DYNC1H1: variants seen among roughly 807,000 people sequenced by gnomAD.
The protein encoded by DYNC1H1 is dynein cytoplasmic 1 heavy chain 1, also known as cytoplasmic dynein 1 heavy chain 1.
Under a neutral mutation model 527.1 loss-of-function variants are expected in DYNC1H1, and 51 were observed. The ratio of observed to expected loss-of-function variants is 0.10; its 90% confidence interval spans 0.08 to 0.12. DYNC1H1 has a LOEUF of 0.12. Ranked by LOEUF, DYNC1H1 falls within the 10% of genes least tolerant of loss-of-function variation. DYNC1H1 has a pLI of 1.00. For synonymous variants in DYNC1H1, 2,189 were observed against 2,278.8 expected (o/e 0.96, Z 1.12); for missense variants, 2,771 against 5,971.8 (o/e 0.46, Z 17.66).
chr14:102,048,150 T>A, intron 73 of DYNC1H1, 122 bp downstream of exon 73: 1 of 1,293,772 alleles, frequency 7.7e-7, no homozygotes, highest in Non-Finnish European at 1.1e-6. Context: ...CACACCGGTG[T>A]CACCTCAGAG....
chr14:102,011,209 G>A lies in DYNC1H1; in HGVS notation c.6618+257G>A. On this transcript the variant is annotated intron_variant, in intron 32 of 77. Transcript: ENST00000360184. The surrounding 1 kb of genome is among the most constrained non-coding windows in gnomAD (Gnocchi z 5.3). ...AAATGCTAAGTGCATGACTATATTGGAAAGTTGTTTATACTGATAAAAATT... is the reference window on the plus strand; with the variant it reads ...AAATGCTAAGTGCATGACTATATTGAAAAGTTGTTTATACTGATAAAAATT... The A allele has an allele frequency of 5.7e-6, 3 of 521,802 alleles. No individual in the cohort carries two copies. In the South Asian group the frequency reaches 6.0e-5, roughly 11 times the overall value. The allele number at this position is 521,802 out of a possible 1,614,324, so 32.3% of individuals were successfully genotyped here.
In DYNC1H1 at chr14:102,041,360, C is replaced by G; in HGVS notation, c.11942-214C>G. 2 of 702,576 alleles carry G rather than the reference C, an allele frequency of 2.8e-6. No homozygotes were observed. Among genetic ancestry groups the G allele is most frequent in the Non-Finnish European group, 4.9e-6 (2 of 409,006 alleles). 43.5% of individuals were successfully genotyped at this position (702,576 alleles called of 1,614,324 possible). A position where few individuals can be genotyped will look rare whatever the true frequency, so the allele number is the denominator to read the frequency against. The stretch of plus-strand genomic sequence containing the variant: ...AAAATCAGCAAATGGCACCTTTGTC[C>G]TATGGATACATCCAGGTAGTAAGGT... On this transcript the variant is annotated intron_variant, in intron 64 of 77. Coordinates refer to ENST00000360184, the MANE Select transcript of DYNC1H1 (RefSeq NM_001376.5). This position sits in a 1 kb window ranked among gnomAD's most constrained non-coding sequence, Gnocchi z 4.5.
chr14:101,987,743 G>T, intron 9 of DYNC1H1, 111 bp downstream of exon 9: 4 of 1,259,608 alleles, frequency 3.2e-6, no homozygotes, highest in Non-Finnish European at 4.5e-6. Context: ...ATCTGTGATA[G>T]TTCAATTCCC....
chr14:102,026,419 C>T (rs2048451800), intron 43 of DYNC1H1, among the ~76,000 whole-genome samples, 155 bp from the exon 44 acceptor site: 1 of 152,062 alleles, frequency 6.6e-6, no homozygotes, highest in Admixed American at 6.5e-5. Context: ...TAGATCCATT[C>T]CTAGTGAATT....
chr14:101,985,873 A>T lies in DYNC1H1; in HGVS notation c.1648A>T (p.Met550Leu). The T allele has an allele frequency of 6.2e-7, 1 of 1,614,218 alleles. No homozygotes were observed. Residue 550 changes from methionine to leucine, a missense_variant, in exon 8 of 78, where the codon ATG becomes TTG. Transcript: ENST00000360184. The surrounding 1 kb of genome is among the most constrained non-coding windows in gnomAD (Gnocchi z 5.9). The part of the protein sequence containing the change: ...KEGTEAWEAA[M>L]KRYDERIDRV... Reference sequence around the variant, plus strand: ...GGGCACGGAAGCCTGGGAGGCTGCTATGAAGAGGTACGATGAGAGGATCGA... The same window carrying T: ...GGGCACGGAAGCCTGGGAGGCTGCTTTGAAGAGGTACGATGAGAGGATCGA...
rs369653555 is a variant in DYNC1H1, at chr14:102,018,621, G to A, written c.8343+5G>A. ...GAGTTCTACACCATGTCTCAGGTAC[G>A]CAGAGTTTCTTTGCTCTTCCAGAAA... On this transcript the variant is annotated splice_donor_5th_base_variant and intron_variant, in intron 41 of 77. Transcript: ENST00000360184. The surrounding 1 kb of genome is among the most constrained non-coding windows in gnomAD (Gnocchi z 5.2). 35 of 1,613,344 alleles carry A rather than the reference G, an allele frequency of 2.2e-5. No homozygotes were observed. The highest frequency in any genetic ancestry group is 2.0e-4 in the East Asian group (9 of 44,876).
In DYNC1H1 at chr14:102,011,984, G is replaced by A; in HGVS notation, c.6728G>A (p.Arg2243Lys). ...AWRVLLKALE[R>K]LEGVEGVAHI... ...CGTGTCCTGCTGAAGGCATTGGAGA[G>A]ACTCGAGGGTGTGGAAGGTGTGGCC... The change falls in exon 33 of 78, where the codon AGA (arginine) becomes AAA (lysine). Residue 2243 changes from arginine (R) to lysine (K), a missense_variant. Physicochemically the swap from Arg to Lys is conservative, Grantham distance 26. Around this residue, in one of 32 missense-constraint regions of DYNC1H1, gnomAD observed 56 missense variants for 183.8 expected, o/e 0.30. Transcript: ENST00000360184. This position sits in a 1 kb window ranked among gnomAD's most constrained non-coding sequence, Gnocchi z 5.3. The A allele has an allele frequency of 5.0e-6, 8 of 1,614,112 alleles. No homozygotes were observed. The highest frequency in any genetic ancestry group is 1.1e-5 in the South Asian group (1 of 91,076).
In DYNC1H1 at chr14:102,017,359, TGTG is replaced by T. The variant is rs780427081; in HGVS notation, c.8056-21_8056-19del. On this transcript the variant is annotated intron_variant, in intron 39 of 77. Transcript: ENST00000360184. The surrounding 1 kb of genome is among the most constrained non-coding windows in gnomAD (Gnocchi z 4.6). Reference sequence around the variant, plus strand: ...TTTCTTGTTCAAGTTTTGCTCTTAATGTGGTACCTGTCCCTTCCTTCAGATGGT... The same window carrying T: ...TTTCTTGTTCAAGTTTTGCTCTTAATGTACCTGTCCCTTCCTTCAGATGGT... 6.2e-7 allele frequency: 1 copy of T among 1,614,270 alleles called. No homozygotes were observed. Among genetic ancestry groups the T allele is most frequent in the South Asian group, 1.1e-5 (1 of 91,088 alleles).
At chr14:102,031,479 C>T (rs1385498295) in intron 51 of DYNC1H1, among the ~76,000 whole-genome samples, 1 of 152,178 alleles carries the variant, frequency 6.6e-6, no homozygotes, top group Non-Finnish European at 1.5e-5. Flanking sequence ...AAGCGATCCA[C>T]CTGCCTCAGC....
At position 102,012,693 on chromosome 14, in the gene DYNC1H1, T is replaced by C; in HGVS notation, c.7014+223T>C. 1 of 609,256 alleles carries C rather than the reference T, an allele frequency of 1.6e-6. No individual in the cohort carries two copies. Among genetic ancestry groups the C allele is most frequent in the Non-Finnish European group, 2.9e-6 (1 of 346,664 alleles). The allele number at this position is 609,256 out of a possible 1,614,324, so 37.7% of individuals were successfully genotyped here. On this transcript the variant is annotated intron_variant, in intron 34 of 77. Transcript: ENST00000360184. This position sits in a 1 kb window ranked among gnomAD's most constrained non-coding sequence, Gnocchi z 4.9. ...AGGTTTTATTGATGGCTTTCTATCA[T>C]TTATTGAGTAATAAGCACACTCTAT...
intron 10 of DYNC1H1, among the ~76,000 whole-genome samples, chr14:101,990,542 GT>G (rs1243637323): frequency 7.2e-5 from 11 of 152,184 alleles, no homozygotes; most frequent in Admixed American, 7.2e-4. Context: ...GACTGAAGTA[GT>G]TTAGTAATTT....
Position 102,028,024 on chromosome 14 carries a change from G to A in DYNC1H1, c.9351G>A (p.Lys3117=). The A allele has an allele frequency of 6.2e-7, 1 of 1,614,174 alleles. No individual in the cohort carries two copies. Among genetic ancestry groups the A allele is most frequent in the Non-Finnish European group, 8.5e-7 (1 of 1,180,026 alleles). ...KEFTSKMDLE[K]PNYIVPDYMP... Reference sequence around the variant, plus strand: ...TCACAAGTAAGATGGATCTGGAGAAGCCAAATTACATCGTGCCTGATTACA... The same window carrying A: ...TCACAAGTAAGATGGATCTGGAGAAACCAAATTACATCGTGCCTGATTACA... The change falls in exon 48 of 78, where the codon AAG becomes AAA. Residue 3117 remains lysine (K), a synonymous_variant. Transcript: ENST00000360184.
rs1028181790 is a variant in DYNC1H1 at position 102,001,102 on chromosome 14, A to G, written c.4185+38A>G. 4.3e-6 allele frequency: 7 copies of G among 1,614,124 alleles called. No homozygotes were observed. Among genetic ancestry groups the G allele is most frequent in the Admixed American group, 1.7e-5 (1 of 60,020 alleles). On this transcript the variant is annotated intron_variant, in intron 19 of 77. Coordinates refer to ENST00000360184, the MANE Select transcript of DYNC1H1 (RefSeq NM_001376.5). The surrounding 1 kb of genome is among the most constrained non-coding windows in gnomAD (Gnocchi z 5.0). ...TATCGCACGGTGATGAGTGTCCATTAGAAACGCACCTGCACAGATCACTTT... is the reference window on the plus strand; with the variant it reads ...TATCGCACGGTGATGAGTGTCCATTGGAAACGCACCTGCACAGATCACTTT...
At position 101,965,668 on chromosome 14, in the gene DYNC1H1, G is replaced by A. The variant is rs931420244; in HGVS notation, c.256+721G>A. On this transcript the variant is annotated intron_variant, in intron 1 of 77. Transcript: ENST00000360184. This position sits in a 1 kb window ranked among gnomAD's most constrained non-coding sequence, Gnocchi z 4.1. Reference sequence around the variant, plus strand: ...GCTCAGGTTAAGTGATTTCACCCAAGGTCACCAGCTAATCTTAGTCCTGAG... The same window carrying A: ...GCTCAGGTTAAGTGATTTCACCCAAAGTCACCAGCTAATCTTAGTCCTGAG... Among the ~76,000 whole-genome samples the A allele has an allele frequency of 6.6e-6, 1 of 152,030 alleles. No homozygotes were observed. Among genetic ancestry groups the A allele is most frequent in the African/African-American group, 2.4e-5 (1 of 41,378 alleles).
At position 102,051,569 on chromosome 14, in the gene DYNC1H1, G is replaced by A. The variant is rs1014685901; in HGVS notation, c.*1006G>A. On this transcript the variant is annotated 3_prime_UTR_variant, in exon 78 of 78. Transcript: ENST00000360184. ...CGCCCTAGCAAGTCCATTCCCACAC[G>A]ACCTTTCCAGTGGTGATGATGACAG... 3 of 152,280 alleles carry A rather than the reference G, an allele frequency of 2.0e-5. No individual in the cohort carries two copies. Among genetic ancestry groups the A allele is most frequent in the African/African-American group, 4.8e-5 (2 of 41,440 alleles). 9.4% of individuals were successfully genotyped at this position (152,280 alleles called of 1,614,324 possible).
chr14:101,971,775 A>G (rs1450743708), intron 1 of DYNC1H1, among the ~76,000 whole-genome samples: 1 of 152,240 alleles, frequency 6.6e-6, no homozygotes, highest in East Asian at 1.9e-4. Flanking sequence ...GTTTAATGAT[A>G]CAAATTACTA....
In DYNC1H1 at chr14:102,020,452, C is replaced by T. The variant is rs1454419869; in HGVS notation, c.8507+396C>T. Among the ~76,000 whole-genome samples the T allele has an allele frequency of 2.6e-5, 4 of 152,144 alleles. No homozygotes were observed. The highest frequency in any genetic ancestry group is 5.9e-5 in the Non-Finnish European group (4 of 68,030). ...TGCCTGTGATAACCTTACCAGAGCA[C>T]GGGTTCACTGCTGAGTTAAAAGGTC... On this transcript the variant is annotated intron_variant, in intron 42 of 77. Transcript: ENST00000360184. This position sits in a 1 kb window ranked among gnomAD's most constrained non-coding sequence, Gnocchi z 4.3.
chr14:101,980,003 A>G (rs2047844746), intron 4 of DYNC1H1, 29 bp downstream of exon 4: 1 of 1,613,874 alleles, frequency 6.2e-7, no homozygotes, highest in African/African-American at 1.3e-5. Context: ...AAGTTATGTA[A>G]AATATGTTAC....
In DYNC1H1 at chr14:102,043,945, G is replaced by A. The variant is rs140013253; in HGVS notation, c.12584G>A (p.Arg4195Gln). 2.7e-5 allele frequency: 44 copies of A among 1,614,112 alleles called. No homozygotes were observed. Among genetic ancestry groups the A allele is most frequent in the African/African-American group, 1.3e-5 (1 of 74,956 alleles). Residue 4195 changes from arginine to glutamine, a missense_variant, in exon 70 of 78, where the codon CGA becomes CAA. Transcript: ENST00000360184. ...CATGCGATCATCCAAGAACGCTTACGATACGCACCACTGGGGTGGTCAAAG... is the reference window on the plus strand; with the variant it reads ...CATGCGATCATCCAAGAACGCTTACAATACGCACCACTGGGGTGGTCAAAG... ...WFHAIIQERL[R>Q]YAPLGWSKKY...
Sources: gnomAD v4.1 joint callset for allele counts (sites outside exome capture counted in the v4.1 genomes callset) on GRCh38, gnomAD v4.1.1 for gene constraint, gnomAD v4.1.1 regional missense constraint, Gnocchi (gnomAD v3.1) non-coding constraint, MANE v1.5 for transcripts, NCBI Gene and HGNC (gene_info 2026-07-23, HGNC 2026-07-21) for gene names.